The following GNA14 variants were observed in gnomAD, a reference collection of about 807,000 sequenced individuals.
The protein encoded by GNA14 is G protein subunit alpha 14.
Under a neutral mutation model 42.0 loss-of-function variants are expected in GNA14, and 50 were observed. The observed-to-expected ratio is 1.19, with a 90% confidence interval of 0.95 to 1.51. The LOEUF (loss-of-function observed/expected upper bound fraction) is 1.51, where lower values mean the gene tolerates loss of function less well. Ranked by LOEUF, GNA14 falls within the 40% of genes most tolerant of loss-of-function variation. The probability of loss-of-function intolerance (pLI) is 0.00; values close to 1 mark genes in which losing one functional copy is unlikely to be tolerated. For missense variants in GNA14, 473 were observed against 446.2 expected (o/e 1.06, Z -0.54); for synonymous variants, 173 against 163.1 (o/e 1.06, Z -0.46).
rs537985878 is a variant in GNA14 at position 77,513,976 on chromosome 9, G to A, written c.309+15093C>T. The stretch of plus-strand genomic sequence containing the variant: ...AGCACTTTTTTTTTTTGGCCCTCAG[G>A]GATTCTAAAACAGCTGTCTGGTGTC... On this transcript the variant is annotated intron_variant, in intron 2 of 6. Coordinates refer to ENST00000341700, the MANE Select transcript of GNA14 (RefSeq NM_004297.4). Among the ~76,000 whole-genome samples the A allele has an allele frequency of 1.1e-4, 17 of 151,784 alleles. No individual in the cohort carries two copies. The South Asian group carries it at 3.5e-3, about 32-fold the overall frequency.
chr9:77,548,541 T>C (rs147487720), intron 1 of GNA14, among the ~76,000 whole-genome samples: 4,041 of 152,222 alleles, frequency 0.027, 156 homozygotes, highest in African/African-American at 0.091. Flanking sequence ...ATAAAGTTCC[T>C]CTAGGAGGAC....
intron 2 of GNA14, among the ~76,000 whole-genome samples, chr9:77,484,255 G>C (rs1836616439): frequency 6.6e-6 from 1 of 152,110 alleles, no homozygotes; most frequent in African/African-American, 2.4e-5. Flanking sequence ...AGAAAAAATG[G>C]AATTTATAAA....
intron 2 of GNA14, among the ~76,000 whole-genome samples, chr9:77,459,821 G>T (rs1399974617): frequency 6.6e-6 from 1 of 152,094 alleles, no homozygotes; most frequent in Non-Finnish European, 1.5e-5. Context: ...AGCCCACGGG[G>T]CCTAGAAAGT....
chr9:77,620,479 T>C (rs1453794291), intron 1 of GNA14, among the ~76,000 whole-genome samples: 1 of 152,210 alleles, frequency 6.6e-6, no homozygotes, highest in Non-Finnish European at 1.5e-5. Flanking sequence ...TTAGAAACAA[T>C]ATTTCTAATT....
At chr9:77,531,549 G>C (rs1837529102) in intron 1 of GNA14, among the ~76,000 whole-genome samples, 1 of 152,122 alleles carries the variant, frequency 6.6e-6, no homozygotes, top group South Asian at 2.1e-4. Context: ...CGGCAGAGTT[G>C]AGCTACAATC....
intron 1 of GNA14, among the ~76,000 whole-genome samples, chr9:77,560,032 A>C (rs12343979): frequency 6.6e-6 from 1 of 152,108 alleles, no homozygotes; most frequent in Non-Finnish European, 1.5e-5. Flanking sequence ...AGCGAGCTTT[A>C]AAAAAACTAT....
intron 2 of GNA14, among the ~76,000 whole-genome samples, chr9:77,514,084 A>G (rs1202395399): frequency 6.6e-6 from 1 of 152,188 alleles, no homozygotes; most frequent in African/African-American, 2.4e-5. Flanking sequence ...CCAAGAGCTA[A>G]GCATGGCCAA....
At position 77,443,242 on chromosome 9, in the gene GNA14, C is replaced by CT. The variant is rs1295802752; in HGVS notation, c.310-8721dup. On this transcript the variant is annotated intron_variant, in intron 2 of 6. Coordinates refer to ENST00000341700, the MANE Select transcript of GNA14 (RefSeq NM_004297.4). ...ATTCAAAATAACTGTAGAATATATACTTTTTAAAAGCACACCTAGAATATT... is the reference window on the plus strand; with the variant it reads ...ATTCAAAATAACTGTAGAATATATACTTTTTTAAAAGCACACCTAGAATATT... Among the ~76,000 whole-genome samples the CT allele has an allele frequency of 7.2e-5, 11 of 152,250 alleles. No individual in the cohort carries two copies. In the East Asian group the frequency reaches 2.1e-3, roughly 29 times the overall value.
At chr9:77,500,374 T>C (rs994976286) in intron 2 of GNA14, among the ~76,000 whole-genome samples, 1 of 152,218 alleles carries the variant, frequency 6.6e-6, no homozygotes, top group Non-Finnish European at 1.5e-5. Flanking sequence ...TAACTATTTT[T>C]AAATTTTAAC....
chr9:77,473,611 ATTTTT>A (rs200957339), intron 2 of GNA14, among the ~76,000 whole-genome samples: 2 of 132,548 alleles, frequency 1.5e-5, no homozygotes, highest in East Asian at 2.2e-4. Context: ...TTTCACCTGG[ATTTTT>A]TTTTTTTTTT....
At chr9:77,619,594 C>A (rs1461664006) in intron 1 of GNA14, among the ~76,000 whole-genome samples, 1 of 152,130 alleles carries the variant, frequency 6.6e-6, no homozygotes, top group African/African-American at 2.4e-5. Flanking sequence ...TGATATGGGG[C>A]AGCTCATTTC....
At chr9:77,519,734 G>C (rs1417961330) in intron 2 of GNA14, among the ~76,000 whole-genome samples, 1 of 152,122 alleles carries the variant, frequency 6.6e-6, no homozygotes, top group African/African-American at 2.4e-5. Context: ...GCCCAGACCA[G>C]ACATGGTAAC....
In GNA14 at chr9:77,536,926, ATT is replaced by A. The variant is rs113845857; in HGVS notation, c.125-7675_125-7674del. Among the ~76,000 whole-genome samples, 377 of 151,938 alleles carry A rather than the reference ATT, an allele frequency of 2.5e-3. 4 individuals are homozygous for A. Among genetic ancestry groups the A allele is most frequent in the African/African-American group, 8.8e-3 (365 of 41,360 alleles). ...TATTTCTCCTATTTGCCATATGTGCATTTTTTTTTACATCTGCATGCATCTTT... is the reference window on the plus strand; with the variant it reads ...TATTTCTCCTATTTGCCATATGTGCATTTTTTTACATCTGCATGCATCTTT... On this transcript the variant is annotated intron_variant, in intron 1 of 6. Transcript: ENST00000341700.
chr9:77,508,757 A>T (rs1217653672), intron 2 of GNA14, among the ~76,000 whole-genome samples: 5 of 152,196 alleles, frequency 3.3e-5, no homozygotes, highest in African/African-American at 4.8e-5. Flanking sequence ...TGGGTCAGGG[A>T]AAATAAAAGT....
intron 2 of GNA14, among the ~76,000 whole-genome samples, chr9:77,446,361 C>T (rs999878367): frequency 9.9e-5 from 15 of 152,218 alleles, no homozygotes; most frequent in African/African-American, 3.6e-4. Flanking sequence ...TACTTGTACA[C>T]TTGGTTATTG....
intron 1 of GNA14, among the ~76,000 whole-genome samples, chr9:77,549,138 T>G (rs1179384405): frequency 7.2e-5 from 11 of 152,164 alleles, no homozygotes; most frequent in Admixed American, 7.2e-4. Context: ...TTTCACCATG[T>G]TGGCCAGGAT....
At chr9:77,475,336 T>C (rs769427239) in intron 2 of GNA14, among the ~76,000 whole-genome samples, 1 of 152,180 alleles carries the variant, frequency 6.6e-6, no homozygotes, top group Admixed American at 6.5e-5. Context: ...ATAGTTGCTA[T>C]GGTTAAGAAA....
chr9:77,428,930 C>T lies in GNA14; in HGVS notation c.700G>A (p.Val234Ile). 6.2e-7 allele frequency: 1 copy of T among 1,613,920 alleles called. No individual in the cohort carries two copies. The highest frequency in any genetic ancestry group is 1.3e-5 in the African/African-American group (1 of 75,032). The part of the protein sequence containing the change: ...FLVALSEYDQ[V>I]LAECDNENRM... ...ACCTCGTTGTCACACTCAGCCAGGA[C>T]CTGGTCATATTCACTCAGAGCAACC... Residue 234 changes from valine to isoleucine, a missense_variant, in exon 5 of 7, where the codon GTC (valine) becomes ATC (isoleucine). Coordinates refer to ENST00000341700, the MANE Select transcript of GNA14 (RefSeq NM_004297.4).
intron 2 of GNA14, among the ~76,000 whole-genome samples, chr9:77,484,884 C>T (rs993609302): frequency 6.6e-5 from 10 of 152,248 alleles, no homozygotes; most frequent in East Asian, 5.8e-4. Context: ...AAACACTGTA[C>T]GTACCTTACT....
Sources: gnomAD v4.1 joint callset for allele counts (sites outside exome capture counted in the v4.1 genomes callset) on GRCh38, gnomAD v4.1.1 for gene constraint, MANE v1.5 for transcripts, NCBI Gene and HGNC (gene_info 2026-07-23, HGNC 2026-07-21) for gene names.